HSPA12B: variants seen among roughly 807,000 people sequenced by gnomAD.
HSPA12B encodes the protein heat shock protein family A (Hsp70) member 12B, also known as heat shock 70 kDa protein 12B.
Under a neutral mutation model 69.3 loss-of-function variants are expected in HSPA12B, and 54 were observed. The ratio of observed to expected loss-of-function variants is 0.78; its 90% CI spans 0.63 to 0.98. The LOEUF is 0.98. HSPA12B is among the 50% of genes least tolerant of loss of function. The probability of loss-of-function intolerance (pLI) is 0.00; values close to 1 mark genes in which losing one functional copy is unlikely to be tolerated. For missense variants in HSPA12B, 929 were observed against 999.8 expected (o/e 0.93, Z 0.96); for synonymous variants, 441 against 436.5 (o/e 1.01, Z -0.13).
intron 1 of HSPA12B, 107 bp from the exon 2 acceptor site, chr20:3,738,551 C>T (rs2146557526): frequency 9.7e-7 from 1 of 1,026,940 alleles, no homozygotes. Flanking sequence ...CTGGGATTTG[C>T]TTCAAAGGAC....
Position 3,750,909 on chromosome 20 carries a change from T to A in HSPA12B, c.1405+2T>A. 1 of 1,613,450 alleles carries A rather than the reference T, an allele frequency of 6.2e-7. No homozygotes were observed. Among genetic ancestry groups the A allele is most frequent in the Non-Finnish European group, 8.5e-7 (1 of 1,179,596 alleles). On this transcript the variant is annotated splice_donor_variant, in intron 12 of 12. Coordinates refer to ENST00000254963, the MANE Select transcript of HSPA12B (RefSeq NM_052970.5). LOFTEE classifies it high-confidence loss of function. ...TCAGCGGGATCATCCAGCACATAGG[T>A]GAGCACCTGAGCTTGGTCCCCCACC...
chr20:3,751,963 AC>A lies in HSPA12B; in HGVS notation c.1860del (p.Asp621ThrfsTer98). On this transcript the variant is annotated frameshift_variant, in exon 13 of 13. Coordinates refer to ENST00000254963, the MANE Select transcript of HSPA12B (RefSeq NM_052970.5). LOFTEE classifies it high-confidence loss of function. ...CGCGGCAGAGGATGCGCGCTTCATC[AC>A]CGACCCCGGCGTGCGCAAATGCGGC... ...CCAAEDARFI[T>X]DPGVRKCGAL... The A allele has an allele frequency of 6.3e-7, 1 of 1,580,510 alleles. No individual in the cohort carries two copies. Among genetic ancestry groups the A allele is most frequent in the South Asian group, 1.1e-5 (1 of 88,248 alleles).
rs768267637 is a variant in HSPA12B, at chr20:3,749,368, A to G, written c.937+50A>G. On this transcript the variant is annotated intron_variant, in intron 9 of 12. Coordinates refer to ENST00000254963, the MANE Select transcript of HSPA12B (RefSeq NM_052970.5). This position sits in a 1 kb window ranked among gnomAD's most constrained non-coding sequence, Gnocchi z 5.5. ...TTATCCTTGGCCCCTACCGGGCACC[A>G]TATACTGATGGGGGGAAGGGCATGT... is the stretch of plus-strand genomic sequence containing the variant. The G allele has an allele frequency of 2.7e-6, 4 of 1,498,894 alleles. No homozygotes were observed. The highest frequency in any genetic ancestry group is 2.8e-5 in the African/African-American group (2 of 72,560). 92.8% of individuals were successfully genotyped at this position (1,498,894 alleles called of 1,614,324 possible).
In HSPA12B at chr20:3,744,471, A is replaced by G. The variant is rs1001680085; in HGVS notation, c.267-431A>G. Among the ~76,000 whole-genome samples, 1 of 152,168 alleles carries G rather than the reference A, an allele frequency of 6.6e-6. No homozygotes were observed. Among genetic ancestry groups the G allele is most frequent in the African/African-American group, 2.4e-5 (1 of 41,438 alleles). ...TCCTCCCAAGCTCTCTCTTCCCACC[A>G]GACACCAAGCCCCTAACATCTCTAG... On this transcript the variant is annotated intron_variant, in intron 4 of 12. Coordinates refer to ENST00000254963, the MANE Select transcript of HSPA12B (RefSeq NM_052970.5). The surrounding 1 kb of genome is among the most constrained non-coding windows in gnomAD (Gnocchi z 4.9).
chr20:3,740,612 C>T lies in HSPA12B; in HGVS notation c.44-203C>T, dbSNP rs181211531. Among the ~76,000 whole-genome samples the T allele has an allele frequency of 1.2e-4, 19 of 152,298 alleles. No homozygotes were observed. In the East Asian group the frequency reaches 3.7e-3, roughly 29 times the overall value. On this transcript the variant is annotated intron_variant, in intron 2 of 12. Coordinates refer to ENST00000254963, the MANE Select transcript of HSPA12B (RefSeq NM_052970.5). This position sits in a 1 kb window ranked among gnomAD's most constrained non-coding sequence, Gnocchi z 4.9. ...AAGCATGGGTCATCTGCTAGGGAAA[C>T]GTTGCCTCTGACAGCAGACCCTCAG... is the stretch of plus-strand genomic sequence containing the variant.
rs757228254 is a variant in HSPA12B, at chr20:3,742,343, C to T, written c.201C>T (p.Phe67=). ...ASFSVVVAID[F]GTTSSGYAFS... ...TCTCTGTGGTGGTGGCCATTGACTT[C>T]GGCACCACGTCTAGTGGCTATGCTT... The change falls in exon 4 of 13, where the codon TTC becomes TTT. Residue 67 remains phenylalanine (F), a synonymous_variant. Transcript: ENST00000254963. The T allele has an allele frequency of 1.3e-5, 21 of 1,613,992 alleles. No homozygotes were observed. The South Asian group carries it at 1.4e-4, about 11-fold the overall frequency.
chr20:3,745,219 C>T lies in HSPA12B; in HGVS notation c.453+131C>T. The T allele has an allele frequency of 1.2e-6, 1 of 862,024 alleles. No individual in the cohort carries two copies. The highest frequency in any genetic ancestry group is 1.8e-6 in the Non-Finnish European group (1 of 559,616). The allele number at this position is 862,024 out of a possible 1,614,324, so 53.4% of individuals were successfully genotyped here. ...GAGTCGTGGCTGAGAGGGGGCGGGG[C>T]TAAAGGGAGACGTCGGACTCCGGTG... is the stretch of plus-strand genomic sequence containing the variant. On this transcript the variant is annotated intron_variant, in intron 5 of 12. Coordinates refer to ENST00000254963, the MANE Select transcript of HSPA12B (RefSeq NM_052970.5). This position sits in a 1 kb window ranked among gnomAD's most constrained non-coding sequence, Gnocchi z 5.6.
intron 4 of HSPA12B, among the ~76,000 whole-genome samples, chr20:3,742,764 C>A (rs1480304941): frequency 6.7e-6 from 1 of 149,984 alleles, no homozygotes; most frequent in African/African-American, 2.5e-5. Flanking sequence ...AAGGCACGAT[C>A]TTAGCTCATT....
chr20:3,736,341 A>G (rs1195656735), intron 1 of HSPA12B, among the ~76,000 whole-genome samples: 1 of 152,212 alleles, frequency 6.6e-6, no homozygotes, highest in African/African-American at 2.4e-5. Context: ...TCCAACTCCA[A>G]TGGTACAGAG....
intron 1 of HSPA12B, among the ~76,000 whole-genome samples, chr20:3,734,649 T>A (rs1649970422): frequency 6.6e-6 from 1 of 152,008 alleles, no homozygotes; most frequent in Non-Finnish European, 1.5e-5. Flanking sequence ...TAAGTGTCCC[T>A]GGGTGTGTGT....
chr20:3,742,364 T>C lies in HSPA12B; in HGVS notation c.222T>C (p.Tyr74=). Residue 74 remains tyrosine (Y), a synonymous_variant, in exon 4 of 13, where the codon TAT becomes TAC. Transcript: ENST00000254963. The part of the protein sequence containing the change: ...AIDFGTTSSG[Y]AFSFASDPEA... ...ACTTCGGCACCACGTCTAGTGGCTA[T>C]GCTTTCAGCTTTGCCAGTGACCCTG... is the stretch of plus-strand genomic sequence containing the variant. The C allele has an allele frequency of 6.2e-7, 1 of 1,614,060 alleles. No homozygotes were observed. The highest frequency in any genetic ancestry group is 8.5e-7 in the Non-Finnish European group (1 of 1,179,898).
chr20:3,750,900 G>C lies in HSPA12B; in HGVS notation c.1398G>C (p.Gln466His). 2 of 1,613,898 alleles carry C rather than the reference G, an allele frequency of 1.2e-6. No homozygotes were observed. The highest frequency in any genetic ancestry group is 1.7e-6 in the Non-Finnish European group (2 of 1,179,956). The change falls in exon 12 of 13, where the codon CAG becomes CAC. Residue 466 changes from glutamine (Q) to histidine (H), a missense_variant. Gln to His is a conservative substitution (Grantham distance 24, BLOSUM62 0). Around this residue, in one of 3 missense-constraint regions of HSPA12B, gnomAD observed 448 missense variants for 448.1 expected, o/e 1.00. Coordinates refer to ENST00000254963, the MANE Select transcript of HSPA12B (RefSeq NM_052970.5). ...LFQPTVSGII[Q>H]HIEALLARPE... is the part of the protein sequence containing the mutation. ...AGCCCACCGTCAGCGGGATCATCCA[G>C]CACATAGGTGAGCACCTGAGCTTGG...
chr20:3,746,494 G>A (rs1272277090), intron 7 of HSPA12B, among the ~76,000 whole-genome samples: 1 of 151,828 alleles, frequency 6.6e-6, no homozygotes, highest in African/African-American at 2.4e-5. Context: ...AGTAGAGACG[G>A]GGTTTCATCG....
chr20:3,741,070 A>G (rs935023735), intron 3 of HSPA12B, among the ~76,000 whole-genome samples, 158 bp downstream of exon 3: 6 of 152,078 alleles, frequency 3.9e-5, no homozygotes, highest in Non-Finnish European at 5.9e-5. Flanking sequence ...TGCCCCCCAG[A>G]AGGATTGGCC....
chr20:3,740,781 T>C lies in HSPA12B; in HGVS notation c.44-34T>C. On this transcript the variant is annotated intron_variant, in intron 2 of 12. Transcript: ENST00000254963. This position sits in a 1 kb window ranked among gnomAD's most constrained non-coding sequence, Gnocchi z 4.9. Reference sequence around the variant, plus strand: ...GCCCCGCTGCCATACCTACCCTGCTTGTGCCAGGATGAACTGCCGTCTCTT... The same window carrying C: ...GCCCCGCTGCCATACCTACCCTGCTCGTGCCAGGATGAACTGCCGTCTCTT... 1 of 1,588,254 alleles carries C rather than the reference T, an allele frequency of 6.3e-7. No individual in the cohort carries two copies. Among genetic ancestry groups the C allele is most frequent in the Non-Finnish European group, 8.6e-7 (1 of 1,160,668 alleles).
rs778074554 is a variant in HSPA12B at position 3,751,584 on chromosome 20, G to A, written c.1479G>A (p.Ala493=). 1.3e-6 allele frequency: 2 copies of A among 1,505,810 alleles called. No individual in the cohort carries two copies. The highest frequency in any genetic ancestry group is 2.4e-5 in the Admixed American group (1 of 42,344). The allele number at this position is 1,505,810 out of a possible 1,614,324, so 93.3% of individuals were successfully genotyped here. A position where few individuals can be genotyped will look rare whatever the true frequency, so the allele number is the denominator to read the frequency against. The part of the protein sequence containing the change: ...LFLVGGFAES[A]VLQHAVQAAL... ...TAGTGGGCGGCTTCGCCGAGTCAGCGGTGCTGCAGCACGCGGTGCAGGCGG... is the reference window on the plus strand; with the variant it reads ...TAGTGGGCGGCTTCGCCGAGTCAGCAGTGCTGCAGCACGCGGTGCAGGCGG... Residue 493 remains alanine, a synonymous_variant, in exon 13 of 13, where the codon GCG becomes GCA. Coordinates refer to ENST00000254963, the MANE Select transcript of HSPA12B (RefSeq NM_052970.5).
At position 3,749,505 on chromosome 20, in the gene HSPA12B, C is replaced by T. The variant is rs2088369662; in HGVS notation, c.937+187C>T. The stretch of plus-strand genomic sequence containing the variant: ...GCGGCGCCCCTAACTCCCACTCCTC[C>T]AGGGGATTCTCCGCGGACGCTCGGG... On this transcript the variant is annotated intron_variant, in intron 9 of 12. Coordinates refer to ENST00000254963, the MANE Select transcript of HSPA12B (RefSeq NM_052970.5). This position sits in a 1 kb window ranked among gnomAD's most constrained non-coding sequence, Gnocchi z 5.5. Among the ~76,000 whole-genome samples, 1 of 152,218 alleles carries T rather than the reference C, an allele frequency of 6.6e-6. No homozygotes were observed. Among genetic ancestry groups the T allele is most frequent in the Admixed American group, 6.5e-5 (1 of 15,282 alleles).
At chr20:3,739,024 CAG>C in intron 2 of HSPA12B, among the ~76,000 whole-genome samples, 1 of 152,172 alleles carries the variant, frequency 6.6e-6, no homozygotes, top group East Asian at 1.9e-4. Flanking sequence ...TTGTGTGTGC[CAG>C]AAGGGTCTGT....
In HSPA12B at chr20:3,752,371, T is replaced by C; in HGVS notation, c.*205T>C. 1 of 504,166 alleles carries C rather than the reference T, an allele frequency of 2.0e-6. No individual in the cohort carries two copies. The highest frequency in any genetic ancestry group is 3.3e-6 in the Non-Finnish European group (1 of 299,242). 31.2% of individuals were successfully genotyped at this position (504,166 alleles called of 1,614,324 possible). ...GCTTTGGGATTGGGCACTGGTCCGC[T>C]GACTGCCAGGCTGAAGGGACCCGCC... On this transcript the variant is annotated 3_prime_UTR_variant, in exon 13 of 13. Transcript: ENST00000254963.
Sources: allele counts gnomAD v4.1 joint callset (sites outside exome capture counted in the v4.1 genomes callset), GRCh38; gene constraint gnomAD v4.1.1; regional missense constraint gnomAD v4.1.1; non-coding constraint Gnocchi (gnomAD v3.1); transcripts MANE v1.5; gene names NCBI Gene and HGNC (gene_info 2026-07-23, HGNC 2026-07-21).